Variants in CAND2 observed in about 807,000 individuals in gnomAD.
CAND2 encodes the protein cullin associated and neddylation dissociated 2 (putative).
CAND2 carries 62 observed loss-of-function variants against 98.9 expected under a neutral mutation model. The observed-to-expected ratio is 0.63, with a 90% CI of 0.51 to 0.77. CAND2 has a LOEUF of 0.77. Among genes scored for constraint, CAND2 ranks in the 30% least tolerant of loss-of-function variants. The pLI is 0.00. For synonymous variants in CAND2, 770 were observed against 731.9 expected, an observed-to-expected ratio of 1.05 and a Z score of -0.84; for missense variants, 1,501 against 1,655.2, an observed-to-expected ratio of 0.91 and a Z score of 1.62.
Position 12,810,164 on chromosome 3 carries a change from T to A in CAND2, c.597T>A (p.Leu199=). The A allele has an allele frequency of 6.5e-7, 1 of 1,529,214 alleles. No homozygotes were observed. Among genetic ancestry groups the A allele is most frequent in the Admixed American group, 2.0e-5 (1 of 50,972 alleles). 94.7% of individuals were successfully genotyped at this position (1,529,214 alleles called of 1,614,324 possible). Residue 199 remains leucine, a synonymous_variant, in exon 5 of 15, where the codon CTT becomes CTA. Transcript: ENST00000456430. The stretch of plus-strand genomic sequence containing the variant: ...TGCGCAAGCGGGCGGTCGGAGCGCT[T>A]GGCCACCTGGCGGCCGCCTGCAGCA... ...LAVRKRAVGA[L]GHLAAACSTD...
At chr3:12,824,489 C>T (rs1575779666) in intron 11 of CAND2, among the ~76,000 whole-genome samples, 1 of 152,290 alleles carries the variant, frequency 6.6e-6, no homozygotes, top group East Asian at 1.9e-4. Context: ...GATCACTGAC[C>T]CACTCCTGTA....
At chr3:12,831,685 G>C in intron 14 of CAND2, 113 bp downstream of exon 14, 1 of 643,390 alleles carries the variant, frequency 1.6e-6, no homozygotes, top group Non-Finnish European at 2.7e-6. Flanking sequence ...TGTTGTGAAA[G>C]TGCTTCATTT....
At chr3:12,797,289 C>G (rs1375627385) in intron 1 of CAND2, among the ~76,000 whole-genome samples, 22 of 151,586 alleles carry the variant, frequency 1.5e-4, no homozygotes, top group Admixed American at 1.4e-3. Flanking sequence ...GACCGCAACC[C>G]CCAGCTGACT....
intron 5 of CAND2, 90 bp downstream of exon 5, chr3:12,810,414 G>T: frequency 7.9e-7 from 1 of 1,265,626 alleles, no homozygotes; most frequent in Non-Finnish European, 1.0e-6. Flanking sequence ...AGCTTGGGCC[G>T]CAGTGCAGCC....
chr3:12,817,441 A>G lies in CAND2; in HGVS notation c.2509A>G (p.Thr837Ala), dbSNP rs2061917642. 2.5e-6 allele frequency: 4 copies of G among 1,613,556 alleles called. No homozygotes were observed. In the African/African-American group the frequency reaches 5.3e-5, roughly 22 times the overall value. Residue 837 changes from threonine to alanine, a missense_variant, in exon 10 of 15, where the codon ACG (threonine) becomes GCG (alanine). Physicochemically the swap from Thr to Ala is moderately conservative, Grantham distance 58 (BLOSUM62 0). Coordinates refer to ENST00000456430, the MANE Select transcript of CAND2 (RefSeq NM_001162499.2). Reference sequence around the variant, plus strand: ...CGATGCCAGGTCGCCCCACTCCAGCACGGGGGTCAAGGTCCTGGCATTCTT... The same window carrying G: ...CGATGCCAGGTCGCCCCACTCCAGCGCGGGGGTCAAGGTCCTGGCATTCTT... ...VCDARSPHSS[T>A]GVKVLAFLSL... is the part of the protein sequence containing the mutation.
Position 12,815,031 on chromosome 3 carries a change from A to G in CAND2, c.1007-110A>G. ...AGGGTATCTATAAATGCTGATCATCAAAAAGTGAAGCACAGTGCCCAGCTC... is the reference window on the plus strand; with the variant it reads ...AGGGTATCTATAAATGCTGATCATCGAAAAGTGAAGCACAGTGCCCAGCTC... On this transcript the variant is annotated intron_variant, in intron 7 of 14. Transcript: ENST00000456430. This position sits in a 1 kb window ranked among gnomAD's most constrained non-coding sequence, Gnocchi z 5.7. 8.9e-7 allele frequency: 1 copy of G among 1,125,558 alleles called. No homozygotes were observed. The highest frequency in any genetic ancestry group is 1.3e-6 in the Non-Finnish European group (1 of 785,220). The allele number at this position is 1,125,558 out of a possible 1,614,324, so 69.7% of individuals were successfully genotyped here.
rs907080744 is a variant in CAND2 at position 12,815,080 on chromosome 3, C to G, written c.1007-61C>G. On this transcript the variant is annotated intron_variant, in intron 7 of 14. Transcript: ENST00000456430. This position sits in a 1 kb window ranked among gnomAD's most constrained non-coding sequence, Gnocchi z 5.7. Reference sequence around the variant, plus strand: ...TCTCTCTCCTCCCTGTCCCTTCTCCCCCGAGCCACAGACCTGTCCTGGGAG... The same window carrying G: ...TCTCTCTCCTCCCTGTCCCTTCTCCGCCGAGCCACAGACCTGTCCTGGGAG... 1.6e-5 allele frequency: 25 copies of G among 1,534,866 alleles called. 1 individual carries two copies. In the South Asian group the frequency reaches 3.1e-4, roughly 19 times the overall value.
rs1251161985 is a variant in CAND2, at chr3:12,817,383, A to G, written c.2451A>G (p.Gln817=). ...CAGCCCTCTCAGCTGCCTGTCCCCA[A>G]GAGGCGGCAAGCACAGCCAGTCGCC... is the stretch of plus-strand genomic sequence containing the variant. ...CVAALSAACP[Q]EAASTASRLV... Residue 817 remains glutamine (Q), a synonymous_variant, in exon 10 of 15, where the codon CAA becomes CAG. Transcript: ENST00000456430. 9 of 1,613,714 alleles carry G rather than the reference A, an allele frequency of 5.6e-6. No individual in the cohort carries two copies. The highest frequency in any genetic ancestry group is 4.5e-5 in the East Asian group (2 of 44,900).
Position 12,817,835 on chromosome 3 carries a change from C to G in CAND2, c.2903C>G (p.Pro968Arg). ...ECIGKLVLVN[P>R]SFLLPRLRKQ... ...ATTGGGAAGCTGGTCCTTGTGAACCCTTCGTTCCTTCTGCCCCGCTTGCGG... is the reference window on the plus strand; with the variant it reads ...ATTGGGAAGCTGGTCCTTGTGAACCGTTCGTTCCTTCTGCCCCGCTTGCGG... Residue 968 changes from proline (P) to arginine (R), a missense_variant, in exon 10 of 15, where the codon CCT (proline) becomes CGT (arginine). By Grantham distance (103) the Pro-to-Arg change is moderately radical. Coordinates refer to ENST00000456430, the MANE Select transcript of CAND2 (RefSeq NM_001162499.2). 1.3e-6 allele frequency: 2 copies of G among 1,514,132 alleles called. No homozygotes were observed. Among genetic ancestry groups the G allele is most frequent in the Admixed American group, 2.3e-5 (1 of 44,078 alleles). The allele number at this position is 1,514,132 out of a possible 1,614,324, so 93.8% of individuals were successfully genotyped here.
Position 12,827,604 on chromosome 3 carries a change from G to T in CAND2, c.3375G>T (p.Arg1125=). Residue 1125 remains arginine (R), a splice_region_variant and synonymous_variant, in exon 13 of 15, where the codon CGG becomes CGT. Transcript: ENST00000456430. ...EDGLKDHYDI[R]MLTFIMVARL... is the part of the protein sequence containing the mutation. Reference sequence around the variant, plus strand: ...GGCTGAAGGACCACTACGACATCCGGGTAAGACCAAGCCCCCTGCCAGATC... The same window carrying T: ...GGCTGAAGGACCACTACGACATCCGTGTAAGACCAAGCCCCCTGCCAGATC... The T allele has an allele frequency of 6.2e-7, 1 of 1,606,634 alleles. No individual in the cohort carries two copies. Among genetic ancestry groups the T allele is most frequent in the Non-Finnish European group, 8.5e-7 (1 of 1,175,576 alleles).
At chr3:12,797,399 A>C (rs1271648550) in intron 1 of CAND2, among the ~76,000 whole-genome samples, 1 of 151,720 alleles carries the variant, frequency 6.6e-6, no homozygotes, top group Admixed American at 6.6e-5. Context: ...CCCAGCCTAA[A>C]GGAGGGGGCT....
At chr3:12,832,918 A>G (rs1689102041) in intron 14 of CAND2, among the ~76,000 whole-genome samples, 1 of 152,248 alleles carries the variant, frequency 6.6e-6, no homozygotes, top group Admixed American at 6.5e-5. Flanking sequence ...TGGATTCCAA[A>G]GCACATCTGG....
In CAND2 at chr3:12,799,167, G is replaced by A. The variant is rs116579012; in HGVS notation, c.68+2379G>A. ...GTTTTCCGCCCAGTTTGCTGTTACCGTAGGCAGTTTGTGCAGCCTCCCTGA... is the reference window on the plus strand; with the variant it reads ...GTTTTCCGCCCAGTTTGCTGTTACCATAGGCAGTTTGTGCAGCCTCCCTGA... On this transcript the variant is annotated intron_variant, in intron 1 of 14. Transcript: ENST00000456430. 1.1e-3 allele frequency among the ~76,000 whole-genome samples: 174 copies of A among 152,300 alleles called. 1 individual carries two copies. Among genetic ancestry groups the A allele is most frequent in the African/African-American group, 3.9e-3 (163 of 41,558 alleles).
intron 4 of CAND2, among the ~76,000 whole-genome samples, chr3:12,809,384 T>C (rs1415985285): frequency 6.6e-6 from 1 of 152,044 alleles, no homozygotes; most frequent in East Asian, 1.9e-4. Flanking sequence ...ACTTAGCAGG[T>C]GAACAGGCAA....
rs887998031 is a variant in CAND2, at chr3:12,796,696, G to C, written c.-25G>C. ...CGCGCCGCCATATTCCCTCCCGCCG[G>C]CCGGCTCCGCGGCGCGCAGCCACCA... On this transcript the variant is annotated 5_prime_UTR_variant, in exon 1 of 15. Coordinates refer to ENST00000456430, the MANE Select transcript of CAND2 (RefSeq NM_001162499.2). 66 of 1,562,244 alleles carry C rather than the reference G, an allele frequency of 4.2e-5. No individual in the cohort carries two copies. Among genetic ancestry groups the C allele is most frequent in the Non-Finnish European group, 5.5e-5 (64 of 1,153,906 alleles).
At chr3:12,797,381 T>C (rs910464398) in intron 1 of CAND2, among the ~76,000 whole-genome samples, 4 of 151,914 alleles carry the variant, frequency 2.6e-5, no homozygotes, top group African/African-American at 9.7e-5. Context: ...CTCCTGCGAT[T>C]GTTCAGACCC....
At chr3:12,807,971 GGAA>G (rs1483064032) in intron 3 of CAND2, among the ~76,000 whole-genome samples, 1 of 152,250 alleles carries the variant, frequency 6.6e-6, no homozygotes, top group East Asian at 1.9e-4. Context: ...AATGGGGAAA[GGAA>G]GAAGGGCTTG....
At chr3:12,805,839 G>A (rs2061802442) in intron 2 of CAND2, among the ~76,000 whole-genome samples, 1 of 152,160 alleles carries the variant, frequency 6.6e-6, no homozygotes, top group African/African-American at 2.4e-5. Flanking sequence ...ACAGTGCTTT[G>A]TTTTACATTA....
intron 1 of CAND2, among the ~76,000 whole-genome samples, chr3:12,799,314 G>T (rs935288217): frequency 2.0e-5 from 3 of 152,132 alleles, no homozygotes; most frequent in Admixed American, 1.3e-4. Context: ...GAGGCCCAGA[G>T]AAAAGGAGGT....
Sources: allele counts gnomAD v4.1 joint callset (sites outside exome capture counted in the v4.1 genomes callset), GRCh38; gene constraint gnomAD v4.1.1; non-coding constraint Gnocchi (gnomAD v3.1); transcripts MANE v1.5; gene names NCBI Gene and HGNC (gene_info 2026-07-23, HGNC 2026-07-21).